Variants in NLGN1 observed in about 807,000 individuals in gnomAD.
The protein encoded by NLGN1 is neuroligin-1.
In NLGN1, 12 loss-of-function variants were observed where a neutral mutation model predicts 65.5. That is an observed-to-expected ratio of 0.18 (90% CI 0.12 to 0.30). NLGN1 has a LOEUF of 0.30. Among genes scored for constraint, NLGN1 ranks in the 10% least tolerant of loss-of-function variants. NLGN1 has a pLI of 1.00. For missense variants in NLGN1, 750 were observed against 1,007.1 expected (o/e 0.74, Z 3.46); for synonymous variants, 350 against 359.5 (o/e 0.97, Z 0.30).
chr3:173,806,303 T>G (rs1716626320), intron 3 of NLGN1, among the ~76,000 whole-genome samples: 1 of 152,070 alleles, frequency 6.6e-6, no homozygotes, highest in Non-Finnish European at 1.5e-5. Context: ...CACATTCTAT[T>G]TTTTTACAAA....
At chr3:173,907,533 A>G (rs540951509) in intron 4 of NLGN1, among the ~76,000 whole-genome samples, 98 of 151,166 alleles carry the variant, frequency 6.5e-4, no homozygotes, top group Non-Finnish European at 1.2e-3. Flanking sequence ...CTATAAAGAA[A>G]TGAGGATCCA....
At chr3:174,028,116 C>T (rs1729223055) in intron 4 of NLGN1, among the ~76,000 whole-genome samples, 1 of 152,114 alleles carries the variant, frequency 6.6e-6, no homozygotes, top group African/African-American at 2.4e-5. Flanking sequence ...AACAGTGAGT[C>T]AATTAAACCT....
intron 4 of NLGN1, among the ~76,000 whole-genome samples, chr3:174,177,437 G>T (rs2152742502): frequency 6.6e-6 from 1 of 151,970 alleles, no homozygotes; most frequent in South Asian, 2.1e-4. Context: ...TGACCATATT[G>T]TTTGGCAATA....
In NLGN1 at chr3:173,938,221, G is replaced by A. The variant is rs370120402; in HGVS notation, c.646+130389G>A. On this transcript the variant is annotated intron_variant, in intron 4 of 6. Coordinates refer to ENST00000457714, the Ensembl canonical transcript of NLGN1. ...TTGCAGTTCTCCTCTTTTCAGGCTC[G>A]GAGTAGAATGATACTTTCCAGTGCC... is the stretch of plus-strand genomic sequence containing the variant. Among the ~76,000 whole-genome samples the A allele has an allele frequency of 8.5e-5, 13 of 152,224 alleles. No individual in the cohort carries two copies. The East Asian group carries it at 2.1e-3, about 25-fold the overall frequency.
chr3:174,013,673 C>A (rs1057298578), intron 4 of NLGN1, among the ~76,000 whole-genome samples: 1 of 152,126 alleles, frequency 6.6e-6, no homozygotes, highest in Non-Finnish European at 1.5e-5. Context: ...CGACTTTTCT[C>A]TTGTCATTTT....
At chr3:173,793,960 C>G (rs1578463282) in intron 3 of NLGN1, among the ~76,000 whole-genome samples, 1 of 152,050 alleles carries the variant, frequency 6.6e-6, no homozygotes, top group African/African-American at 2.4e-5. Context: ...CCAGTTGATT[C>G]TTGTCTGGCT....
At chr3:173,557,241 C>G (rs1393860766) in intron 2 of NLGN1, among the ~76,000 whole-genome samples, 1 of 152,108 alleles carries the variant, frequency 6.6e-6, no homozygotes, top group Non-Finnish European at 1.5e-5. Context: ...ACTCTGTCTT[C>G]AAGCCTGTTT....
chr3:173,994,491 A>AGAGAG (rs1553910108), intron 4 of NLGN1, among the ~76,000 whole-genome samples: 11 of 81,244 alleles, frequency 1.4e-4, no homozygotes, highest in African/African-American at 5.6e-4. Flanking sequence ...AAAAAAAAAA[A>AGAGAG]AGAGAGAGAG....
intron 4 of NLGN1, among the ~76,000 whole-genome samples, chr3:173,989,505 A>T (rs530649016): frequency 2.6e-5 from 4 of 152,164 alleles, no homozygotes; most frequent in East Asian, 1.9e-4. Context: ...ATATATTTTT[A>T]AAAAATTCTG....
chr3:173,604,730 A>G (rs1271250368), exon 3 of NLGN1: 7 of 1,613,662 alleles, frequency 4.3e-6, no homozygotes, highest in African/African-American at 1.3e-5. Flanking sequence ...GCCATGTGCT[A>G]TCACAAAAAT....
chr3:174,291,605 A>G (rs770312343), downstream of NLGN1, among the ~76,000 whole-genome samples: 17 of 151,472 alleles, frequency 1.1e-4, no homozygotes, highest in Non-Finnish European at 1.5e-4. Flanking sequence ...CATACAAAAG[A>G]TAAGACGTTA....
intron 4 of NLGN1, among the ~76,000 whole-genome samples, chr3:174,044,449 C>T (rs999536312): frequency 5.3e-5 from 8 of 152,062 alleles, no homozygotes; most frequent in African/African-American, 1.7e-4. Context: ...CACCAGGTAC[C>T]CTAAATCATC....
intron 2 of NLGN1, among the ~76,000 whole-genome samples, chr3:173,460,615 GA>G (rs1723227906): frequency 6.6e-6 from 1 of 152,092 alleles, no homozygotes; most frequent in South Asian, 2.1e-4. Context: ...CCAATCACTA[GA>G]AGCTGCAACT....
chr3:173,908,252 A>C (rs1195544373), intron 4 of NLGN1, among the ~76,000 whole-genome samples: 1 of 152,220 alleles, frequency 6.6e-6, no homozygotes, highest in African/African-American at 2.4e-5. Flanking sequence ...TTAGCCCAGA[A>C]TGGTGCATTA....
At chr3:174,088,690 T>C (rs1435940647) in intron 4 of NLGN1, among the ~76,000 whole-genome samples, 1 of 151,298 alleles carries the variant, frequency 6.6e-6, no homozygotes, top group African/African-American at 2.4e-5. Context: ...GAGGCGGAGC[T>C]TGCAGTGAGC....
intron 4 of NLGN1, among the ~76,000 whole-genome samples, chr3:174,030,593 A>G (rs1729800150): frequency 6.6e-6 from 1 of 152,210 alleles, no homozygotes. Context: ...GCCTCTGGTT[A>G]AAGATGACAG....
chr3:174,212,757 C>A (rs537237459), intron 4 of NLGN1, among the ~76,000 whole-genome samples: 4 of 152,214 alleles, frequency 2.6e-5, no homozygotes, highest in Non-Finnish European at 5.9e-5. Flanking sequence ...AATTCTGACA[C>A]TGGTTCCATT....
intron 4 of NLGN1, among the ~76,000 whole-genome samples, chr3:173,871,715 C>CGGATAATA (rs1731195557): frequency 6.6e-6 from 1 of 152,152 alleles, no homozygotes; most frequent in Admixed American, 6.5e-5. Context: ...GAGTGACTCC[C>CGGATAATA]AGCTGGCTGG....
At position 174,155,902 on chromosome 3, in the gene NLGN1, T is replaced by G. The variant is rs188949101; in HGVS notation, c.647-119413T>G. Reference sequence around the variant, plus strand: ...GCCTTAGAGCAAGGACATAAAGTTATTCCTTTAATTTGTTTCCTTACAAGT... The same window carrying G: ...GCCTTAGAGCAAGGACATAAAGTTAGTCCTTTAATTTGTTTCCTTACAAGT... On this transcript the variant is annotated intron_variant, in intron 4 of 6. Transcript: ENST00000457714. Among the ~76,000 whole-genome samples, 403 of 152,066 alleles carry G rather than the reference T, an allele frequency of 2.7e-3. 1 individual carries two copies. In the Middle Eastern group the frequency reaches 0.041, roughly 15 times the overall value.
Sources: gnomAD v4.1 joint callset for allele counts (sites outside exome capture counted in the v4.1 genomes callset) on GRCh38, gnomAD v4.1.1 for gene constraint, MANE v1.5 for transcripts, NCBI Gene and HGNC (gene_info 2026-07-23, HGNC 2026-07-21) for gene names.